The following ZNF526 variants were observed in gnomAD, a reference collection of about 807,000 sequenced individuals.
ZNF526 encodes zinc finger protein 526.
Under a neutral mutation model 32.4 loss-of-function variants are expected in ZNF526, and 16 were observed. That is an observed-to-expected ratio of 0.49 (90% CI 0.33 to 0.75). ZNF526 has a LOEUF of 0.75. Ranked by LOEUF, ZNF526 falls within the 30% of genes least tolerant of loss-of-function variation. The pLI, the probability that ZNF526 is intolerant of heterozygous loss-of-function variation, is 0.02. For synonymous variants in ZNF526, 355 were observed against 363.4 expected, an observed-to-expected ratio of 0.98 and a Z score of 0.26; for missense variants, 838 against 920.7, an observed-to-expected ratio of 0.91 and a Z score of 1.16.
rs370949355 is a variant in ZNF526 at position 42,226,234 on chromosome 19, C to T, written c.1831C>T (p.Pro611Ser). 5 of 1,613,040 alleles carry T rather than the reference C, an allele frequency of 3.1e-6. No individual in the cohort carries two copies. The highest frequency in any genetic ancestry group is 4.2e-6 in the Non-Finnish European group (5 of 1,180,056). ...GCTACAGCCTCCCAGATCACCATCT[C>T]CTGCCCCACCCCCACCTCCAGAGCC... ...LTLQPPRSPS[P>S]APPPPPEPQQ... The change falls in exon 3 of 3, where the codon CCT becomes TCT. Residue 611 changes from proline to serine, a missense_variant. By Grantham distance (74) the Pro-to-Ser change is moderately conservative (BLOSUM62 -1). Coordinates refer to ENST00000301215, the MANE Select transcript of ZNF526 (RefSeq NM_133444.3).
chr19:42,222,098 T>C (rs989769793), intron 1 of ZNF526, among the ~76,000 whole-genome samples: 1 of 150,914 alleles, frequency 6.6e-6, no homozygotes, highest in South Asian at 2.1e-4. Flanking sequence ...TTTTTTTTTT[T>C]CCTCCTTGAG....
chr19:42,226,078 GC>G lies in ZNF526; in HGVS notation c.1681del (p.Arg561AlafsTer41). The G allele has an allele frequency of 1.2e-6, 2 of 1,606,910 alleles. No individual in the cohort carries two copies. The stretch of plus-strand genomic sequence containing the variant: ...CTTGCGGCCAGTCGCCTTTGCCCGC[GC>G]CCCCCGCCTCCCCATCACTGGTCTC... Reference protein sequence around the residue: ...LHLRPVAFARAPRLPITGLYN... With the variant: ...LHLRPVAFARXPRLPITGLYN... On this transcript the variant is annotated frameshift_variant, in exon 3 of 3. Coordinates refer to ENST00000301215, the MANE Select transcript of ZNF526 (RefSeq NM_133444.3). LOFTEE classifies it high-confidence loss of function.
At chr19:42,222,063 A>G (rs932503480) in intron 1 of ZNF526, among the ~76,000 whole-genome samples, 1 of 151,288 alleles carries the variant, frequency 6.6e-6, no homozygotes, top group African/African-American at 2.4e-5. Context: ...GCTACCGTCT[A>G]GGTGCTTAAT....
Position 42,226,523 on chromosome 19 carries a change from C to A in ZNF526, c.*107C>A. On this transcript the variant is annotated 3_prime_UTR_variant, in exon 3 of 3. Transcript: ENST00000301215. The stretch of plus-strand genomic sequence containing the variant: ...AAACTGGTCTGGTACCCACCATGTG[C>A]CAGGATCCACCCTGGCCTCTTTTTA... 2 of 1,491,528 alleles carry A rather than the reference C, an allele frequency of 1.3e-6. No homozygotes were observed. The highest frequency in any genetic ancestry group is 1.9e-6 in the Non-Finnish European group (2 of 1,074,790). The allele number at this position is 1,491,528 out of a possible 1,614,324, so 92.4% of individuals were successfully genotyped here. A position where few individuals can be genotyped will look rare whatever the true frequency, so the allele number is the denominator to read the frequency against.
In ZNF526 at chr19:42,227,649, C is replaced by T. The variant is rs1436945263; in HGVS notation, c.*1233C>T. The T allele has an allele frequency of 2.0e-5, 3 of 152,282 alleles. No individual in the cohort carries two copies. The highest frequency in any genetic ancestry group is 1.5e-5 in the Non-Finnish European group (1 of 68,090). 9.4% of individuals were successfully genotyped at this position (152,282 alleles called of 1,614,324 possible). A position where few individuals can be genotyped will look rare whatever the true frequency, so the allele number is the denominator to read the frequency against. On this transcript the variant is annotated 3_prime_UTR_variant, in exon 3 of 3. Coordinates refer to ENST00000301215, the MANE Select transcript of ZNF526 (RefSeq NM_133444.3). Reference sequence around the variant, plus strand: ...GGCGGGCGCCTGTGGTGGCCAGCTACTCAGGAGGCTGAGGCAGGAGAATGG... The same window carrying T: ...GGCGGGCGCCTGTGGTGGCCAGCTATTCAGGAGGCTGAGGCAGGAGAATGG...
chr19:42,226,273 A>T lies in ZNF526; in HGVS notation c.1870A>T (p.Met624Leu), dbSNP rs797046129. Residue 624 changes from methionine to leucine, a missense_variant, in exon 3 of 3, where the codon ATG becomes TTG. By Grantham distance (15) the Met-to-Leu change is conservative. Coordinates refer to ENST00000301215, the MANE Select transcript of ZNF526 (RefSeq NM_133444.3). ...PPPPEPQQTI[M>L]CTELGETIAI... ...ACCTCCAGAGCCTCAACAGACTATC[A>T]TGTGCACAGAGCTGGGGGAGACCAT... The T allele has an allele frequency of 6.2e-7, 1 of 1,613,796 alleles. No individual in the cohort carries two copies. The highest frequency in any genetic ancestry group is 8.5e-7 in the Non-Finnish European group (1 of 1,179,992).
chr19:42,224,595 C>T lies in ZNF526; in HGVS notation c.192C>T (p.Ser64=). The T allele has an allele frequency of 6.2e-7, 1 of 1,614,238 alleles. No individual in the cohort carries two copies. The highest frequency in any genetic ancestry group is 1.7e-5 in the Admixed American group (1 of 60,034). The part of the protein sequence containing the change: ...HHQFMCSECG[S]LYNTLEEVLS... Reference sequence around the variant, plus strand: ...AGTTCATGTGCTCTGAGTGTGGCAGCCTCTATAACACACTGGAGGAAGTCC... The same window carrying T: ...AGTTCATGTGCTCTGAGTGTGGCAGTCTCTATAACACACTGGAGGAAGTCC... The change falls in exon 3 of 3, where the codon AGC becomes AGT. Residue 64 remains serine (S), a synonymous_variant. Transcript: ENST00000301215.
In ZNF526 at chr19:42,224,508, A is replaced by T. The variant is rs754821112; in HGVS notation, c.105A>T (p.Thr35=). 1.2e-6 allele frequency: 2 copies of T among 1,614,240 alleles called. No homozygotes were observed. Among genetic ancestry groups the T allele is most frequent in the Non-Finnish European group, 1.7e-6 (2 of 1,180,036 alleles). ...CGGCAGAGATGATGGAGATGTCAAC[A>T]GAAGTGACTGAGATGACACCTGGGG... is the stretch of plus-strand genomic sequence containing the variant. ...PMSAEMMEMS[T]EVTEMTPGEA... is the part of the protein sequence containing the mutation. The change falls in exon 3 of 3, where the codon ACA becomes ACT. Residue 35 remains threonine, a synonymous_variant. Coordinates refer to ENST00000301215, the MANE Select transcript of ZNF526 (RefSeq NM_133444.3).
At position 42,225,168 on chromosome 19, in the gene ZNF526, A is replaced by C; in HGVS notation, c.765A>C (p.Ala255=). ...DEEMEDEEAM[A]EVGDDAVGGD... is the part of the protein sequence containing the mutation. The stretch of plus-strand genomic sequence containing the variant: ...AGATGGAGGATGAGGAGGCCATGGC[A>C]GAGGTCGGTGATGATGCTGTGGGAG... The change falls in exon 3 of 3, where the codon GCA becomes GCC. Residue 255 remains alanine, a synonymous_variant. Transcript: ENST00000301215. 2 of 1,614,214 alleles carry C rather than the reference A, an allele frequency of 1.2e-6. No individual in the cohort carries two copies. The highest frequency in any genetic ancestry group is 1.7e-6 in the Non-Finnish European group (2 of 1,180,016).
At position 42,227,669 on chromosome 19, in the gene ZNF526, G is replaced by C. The variant is rs2036193083; in HGVS notation, c.*1253G>C. ...AGCTACTCAGGAGGCTGAGGCAGGA[G>C]AATGGCGTGAACCCGGGAGGCGGAG... On this transcript the variant is annotated 3_prime_UTR_variant, in exon 3 of 3. Coordinates refer to ENST00000301215, the MANE Select transcript of ZNF526 (RefSeq NM_133444.3). 6.6e-6 allele frequency: 1 copy of C among 152,266 alleles called. No individual in the cohort carries two copies. Among genetic ancestry groups the C allele is most frequent in the African/African-American group, 2.4e-5 (1 of 41,458 alleles). The allele number at this position is 152,266 out of a possible 1,614,324, so 9.4% of individuals were successfully genotyped here. A position where few individuals can be genotyped will look rare whatever the true frequency, so the allele number is the denominator to read the frequency against.
intron 1 of ZNF526, among the ~76,000 whole-genome samples, chr19:42,222,779 A>C (rs529069824): frequency 6.6e-6 from 1 of 152,352 alleles, no homozygotes; most frequent in South Asian, 2.1e-4. Flanking sequence ...AGGATACCAT[A>C]GGAACCCTGA....
rs1243766639 is a variant in ZNF526, at chr19:42,226,303, A to G, written c.1900A>G (p.Ile634Val). The G allele has an allele frequency of 5.6e-6, 9 of 1,614,102 alleles. No homozygotes were observed. Among genetic ancestry groups the G allele is most frequent in the East Asian group, 2.2e-5 (1 of 44,870 alleles). Residue 634 changes from isoleucine to valine, a missense_variant, in exon 3 of 3, where the codon ATC (isoleucine) becomes GTC (valine). Transcript: ENST00000301215. ...CACAGAGCTGGGGGAGACCATCGCC[A>G]TCATTGAGACATCCCAGCCACTGGC... ...MCTELGETIA[I>V]IETSQPLALE... is the part of the protein sequence containing the mutation.
Position 42,226,096 on chromosome 19 carries a change from A to C in ZNF526, c.1693A>C (p.Thr565Pro). The C allele has an allele frequency of 6.2e-7, 1 of 1,605,968 alleles. No homozygotes were observed. The highest frequency in any genetic ancestry group is 8.5e-7 in the Non-Finnish European group (1 of 1,179,962). The change falls in exon 3 of 3, where the codon ACT becomes CCT. Residue 565 changes from threonine to proline, a missense_variant. Thr to Pro is a conservative substitution (Grantham distance 38). Transcript: ENST00000301215. ...TGCCCGCGCCCCCCGCCTCCCCATC[A>C]CTGGTCTCTACAACAAGAGTCCCTA... is the stretch of plus-strand genomic sequence containing the variant. ...AFARAPRLPI[T>P]GLYNKSPYYC...
rs2036175771 is a variant in ZNF526 at position 42,226,029 on chromosome 19, C to G, written c.1626C>G (p.Asn542Lys). 6.2e-7 allele frequency: 1 copy of G among 1,613,080 alleles called. No individual in the cohort carries two copies. The change falls in exon 3 of 3, where the codon AAC (asparagine) becomes AAG (lysine). Residue 542 changes from asparagine (N) to lysine (K), a missense_variant. Transcript: ENST00000301215. ...DCGKRFTQSS[N>K]LQQHRRLHLR... ...GCAAGCGCTTCACACAGAGCTCCAA[C>G]CTGCAGCAGCACCGGCGGTTGCACT...
rs1294106760 is a variant in ZNF526 at position 42,225,085 on chromosome 19, C to T, written c.682C>T (p.Arg228Cys). 18 of 1,614,064 alleles carry T rather than the reference C, an allele frequency of 1.1e-5. No homozygotes were observed. Among genetic ancestry groups the T allele is most frequent in the Admixed American group, 1.7e-5 (1 of 60,026 alleles). The change falls in exon 3 of 3, where the codon CGC becomes TGC. Residue 228 changes from arginine to cysteine, a missense_variant. Physicochemically the swap from Arg to Cys is radical, Grantham distance 180. Coordinates refer to ENST00000301215, the MANE Select transcript of ZNF526 (RefSeq NM_133444.3). ...THFDSLEKEE[R>C]NGLEEEEEDD... ...CTTTGACTCCCTAGAGAAAGAGGAG[C>T]GCAATGGGTTGGAGGAGGAGGAAGA...
rs1210139323 is a variant in ZNF526, at chr19:42,226,385, G to A, written c.1982G>A (p.Gly661Glu). 6.2e-7 allele frequency: 1 copy of A among 1,614,128 alleles called. No individual in the cohort carries two copies. Among genetic ancestry groups the A allele is most frequent in the Non-Finnish European group, 8.5e-7 (1 of 1,180,054 alleles). Residue 661 changes from glycine (G) to glutamate (E), a missense_variant, in exon 3 of 3, where the codon GGG becomes GAG. Coordinates refer to ENST00000301215, the MANE Select transcript of ZNF526 (RefSeq NM_133444.3). ...QAALGASEAG[G>E]LLQLDTAFV ...GCACTGGGGGCCAGTGAAGCAGGCG[G>A]GCTCTTGCAGTTGGACACGGCCTTC...
chr19:42,224,240 C>G lies in ZNF526; in HGVS notation c.-83C>G. ...GCTGCCGTGGGGTGTGTGTAGGCTT[C>G]AGAGACATGGGATCACGGAAGACTG... is the stretch of plus-strand genomic sequence containing the variant. On this transcript the variant is annotated 5_prime_UTR_variant, in exon 2 of 3. Transcript: ENST00000301215. 1 of 686,878 alleles carries G rather than the reference C, an allele frequency of 1.5e-6. No homozygotes were observed. 42.5% of individuals were successfully genotyped at this position (686,878 alleles called of 1,614,324 possible).
At position 42,225,937 on chromosome 19, in the gene ZNF526, T is replaced by C; in HGVS notation, c.1534T>C (p.Leu512=). The C allele has an allele frequency of 1.2e-6, 2 of 1,614,134 alleles. No individual in the cohort carries two copies. The highest frequency in any genetic ancestry group is 1.7e-6 in the Non-Finnish European group (2 of 1,180,026). The change falls in exon 3 of 3, where the codon TTG becomes CTG. Residue 512 remains leucine, a synonymous_variant. Coordinates refer to ENST00000301215, the MANE Select transcript of ZNF526 (RefSeq NM_133444.3). ...CTCATGTGGCAAGACCTTTGCTTCT[T>C]TGGCCAACCTCAGCCGCCACCAGCT... ...CHSCGKTFAS[L]ANLSRHQLTH... is the part of the protein sequence containing the mutation.
In ZNF526 at chr19:42,226,396, T is replaced by A. The variant is rs538948379; in HGVS notation, c.1993T>A (p.Leu665Met). Residue 665 changes from leucine (L) to methionine (M), a missense_variant, in exon 3 of 3, where the codon TTG (leucine) becomes ATG (methionine). Leu to Met is a conservative substitution (Grantham distance 15, BLOSUM62 2). Coordinates refer to ENST00000301215, the MANE Select transcript of ZNF526 (RefSeq NM_133444.3). ...CAGTGAAGCAGGCGGGCTCTTGCAG[T>A]TGGACACGGCCTTCGTGTGACGCAG... ...GASEAGGLLQ[L>M]DTAFV 1 of 1,614,218 alleles carries A rather than the reference T, an allele frequency of 6.2e-7. No homozygotes were observed. Among genetic ancestry groups the A allele is most frequent in the East Asian group, 2.2e-5 (1 of 44,884 alleles).
Sources: allele counts gnomAD v4.1 joint callset (sites outside exome capture counted in the v4.1 genomes callset), GRCh38; gene constraint gnomAD v4.1.1; transcripts MANE v1.5; gene names NCBI Gene and HGNC (gene_info 2026-07-23, HGNC 2026-07-21).